The following SEMA3A variants were observed in gnomAD, a reference collection of about 807,000 sequenced individuals.
SEMA3A encodes the protein semaphorin 3A, also known as semaphorin-3A.
SEMA3A carries 29 observed loss-of-function variants against 97.9 expected under a neutral mutation model. The ratio of observed to expected loss-of-function variants is 0.30; its 90% CI spans 0.22 to 0.40. The LOEUF is 0.40. Ranked by LOEUF, SEMA3A falls within the 10% of genes least tolerant of loss-of-function variation. The pLI is 1.00. For synonymous variants in SEMA3A, 321 were observed against 323.7 expected, an observed-to-expected ratio of 0.99 and a Z score of 0.09; for missense variants, 763 against 951.3, an observed-to-expected ratio of 0.80 and a Z score of 2.60.
intron 3 of SEMA3A, among the ~76,000 whole-genome samples, chr7:84,306,128 C>G (rs1176217549): frequency 6.6e-6 from 1 of 151,708 alleles, no homozygotes; most frequent in African/African-American, 2.4e-5. Context: ...TTTCAACATA[C>G]TTCTTAAATC....
At chr7:84,011,388 A>C in intron 7 of SEMA3A, 91 bp from the exon 8 acceptor site, 1 of 824,742 alleles carries the variant, frequency 1.2e-6, no homozygotes, top group Non-Finnish European at 2.0e-6. Flanking sequence ...GACAAACATA[A>C]AATACAGTTT....
chr7:84,368,118 CTT>C (rs1256077177), intron 2 of SEMA3A, among the ~76,000 whole-genome samples: 1 of 151,074 alleles, frequency 6.6e-6, no homozygotes. Flanking sequence ...TTTAAGCTCA[CTT>C]ATAGATAACC....
intron 5 of SEMA3A, among the ~76,000 whole-genome samples, chr7:84,047,069 C>T (rs1403672536): frequency 6.6e-6 from 1 of 151,760 alleles, no homozygotes; most frequent in African/African-American, 2.4e-5. Context: ...TCAACCAGTC[C>T]AAAAATAAGT....
chr7:84,390,368 A>ATTATG (rs1562929747), intron 1 of SEMA3A, among the ~76,000 whole-genome samples: 3 of 104,798 alleles, frequency 2.9e-5, no homozygotes, highest in African/African-American at 7.8e-5. Context: ...TTATTATTAT[A>ATTATG]GCAGCTGGGA....
intron 1 of SEMA3A, among the ~76,000 whole-genome samples, chr7:84,392,570 T>G (rs1258527183): frequency 4.6e-5 from 7 of 152,286 alleles, no homozygotes; most frequent in South Asian, 4.1e-4. Context: ...TTTTACATCT[T>G]TTGGGTGAAA....
At chr7:84,407,459 T>C (rs371378625) in intron 1 of SEMA3A, among the ~76,000 whole-genome samples, 3 of 151,964 alleles carry the variant, frequency 2.0e-5, no homozygotes, top group African/African-American at 7.3e-5. Context: ...GTGAAAATGG[T>C]CATACTGCCC....
intron 5 of SEMA3A, among the ~76,000 whole-genome samples, chr7:84,055,792 T>A (rs1229269430): frequency 6.6e-6 from 1 of 152,198 alleles, no homozygotes; most frequent in Non-Finnish European, 1.5e-5. Flanking sequence ...CTAATAGAAG[T>A]CTTTTTGAAA....
chr7:84,188,108 C>G, intron 1 of SEMA3A, among the ~76,000 whole-genome samples: 1 of 152,032 alleles, frequency 6.6e-6, no homozygotes, highest in East Asian at 1.9e-4. Context: ...GCAAGGGAAA[C>G]CTGGAAATGC....
chr7:84,467,655 T>C (rs879539085), intron 1 of SEMA3A, among the ~76,000 whole-genome samples: 1 of 151,994 alleles, frequency 6.6e-6, no homozygotes, highest in Non-Finnish European at 1.5e-5. Context: ...AAAGCTATTT[T>C]CCCGTTTTCA....
chr7:84,260,073 T>C (rs186465398), intron 3 of SEMA3A, among the ~76,000 whole-genome samples: 4 of 152,264 alleles, frequency 2.6e-5, no homozygotes, highest in Non-Finnish European at 5.9e-5. Flanking sequence ...GCTTAGCATT[T>C]AGTTGGTAGT....
chr7:84,332,542 TC>T (rs1801932506), intron 2 of SEMA3A, among the ~76,000 whole-genome samples: 1 of 152,100 alleles, frequency 6.6e-6, no homozygotes, highest in Admixed American at 6.6e-5. Flanking sequence ...TTTAAAATCA[TC>T]CTAATCTGAA....
chr7:84,404,451 C>G (rs147994025), intron 1 of SEMA3A, among the ~76,000 whole-genome samples: 14,578 of 151,922 alleles, frequency 0.096, 1,222 homozygotes, highest in African/African-American at 0.2. Flanking sequence ...GAGAATGGAA[C>G]CCAGTTGGAA....
At chr7:84,284,757 C>T (rs1042693997) in intron 3 of SEMA3A, among the ~76,000 whole-genome samples, 1 of 152,112 alleles carries the variant, frequency 6.6e-6, no homozygotes, top group African/African-American at 2.4e-5. Context: ...TTTCAACTCA[C>T]TGTCAAATCT....
At chr7:84,090,891 A>T (rs568515816) in intron 4 of SEMA3A, among the ~76,000 whole-genome samples, 1 of 151,724 alleles carries the variant, frequency 6.6e-6, no homozygotes, top group East Asian at 2.0e-4. Context: ...ACATGGTGAA[A>T]TTCCATCTCT....
At chr7:84,362,495 G>T (rs115379073) in intron 2 of SEMA3A, among the ~76,000 whole-genome samples, 19 of 152,088 alleles carry the variant, frequency 1.2e-4, no homozygotes, top group African/African-American at 4.6e-4. Context: ...TTTTGCTAGA[G>T]TTGAATAACA....
chr7:84,342,198 G>A (rs1802188424), intron 2 of SEMA3A, among the ~76,000 whole-genome samples: 1 of 152,044 alleles, frequency 6.6e-6, no homozygotes, highest in South Asian at 2.1e-4. Flanking sequence ...ACCATGCCTG[G>A]CTAATTTGGT....
rs111426492 is a variant in SEMA3A at position 84,228,244 on chromosome 7, GA to G, written c.-82-33577del. Among the ~76,000 whole-genome samples the G allele has an allele frequency of 6.1e-4, 93 of 152,052 alleles. 1 individual carries two copies. Among genetic ancestry groups the G allele is most frequent in the African/African-American group, 2.1e-3 (88 of 41,502 alleles). On this transcript the variant is annotated intron_variant, in intron 3 of 3. Transcript: ENST00000424555. ...AGTAAAGGAAACATTTCACTAATGA[GA>G]AAATAGAAATAATCTTAACCAAGAT...
At chr7:84,120,751 C>A (rs2115984402) in intron 3 of SEMA3A, among the ~76,000 whole-genome samples, 1 of 152,204 alleles carries the variant, frequency 6.6e-6, no homozygotes, top group East Asian at 1.9e-4. Flanking sequence ...TCGATATTTT[C>A]AAAAATTATA....
intron 2 of SEMA3A, among the ~76,000 whole-genome samples, chr7:84,326,867 C>T (rs1244496034): frequency 6.6e-6 from 1 of 151,864 alleles, no homozygotes; most frequent in African/African-American, 2.4e-5. Context: ...CTATAAAAAT[C>T]CTGGAAGACA....
Sources: gnomAD v4.1 joint callset for allele counts (sites outside exome capture counted in the v4.1 genomes callset) on GRCh38, gnomAD v4.1.1 for gene constraint, MANE v1.5 for transcripts, NCBI Gene and HGNC (gene_info 2026-07-23, HGNC 2026-07-21) for gene names.